KCNH1: variants seen among roughly 807,000 people sequenced by gnomAD.
KCNH1 encodes potassium voltage-gated channel subfamily H member 1, also known as voltage-gated delayed rectifier potassium channel KCNH1.
Under a neutral mutation model 69.2 loss-of-function variants are expected in KCNH1, and 27 were observed. That is an observed-to-expected ratio of 0.39 (90% CI 0.29 to 0.54). The LOEUF is 0.54. Ranked by LOEUF, KCNH1 falls within the 20% of genes least tolerant of loss-of-function variation. The probability of loss-of-function intolerance (pLI) is 0.68; values close to 1 mark genes in which losing one functional copy is unlikely to be tolerated. For missense variants in KCNH1, 798 were observed against 1,261.6 expected (o/e 0.63, Z 5.57); for synonymous variants, 456 against 487.7 (o/e 0.93, Z 0.86).
chr1:211,050,087 T>A (rs1558582879), intron 5 of KCNH1, among the ~76,000 whole-genome samples: 1 of 151,752 alleles, frequency 6.6e-6, no homozygotes, highest in African/African-American at 2.4e-5. Context: ...AACATCTCCC[T>A]CTGAGGGTGA....
At chr1:210,848,570 T>C (rs1112999) in intron 7 of KCNH1, among the ~76,000 whole-genome samples, 25,620 of 152,196 alleles carry the variant, frequency 0.17, 2,826 homozygotes, top group Non-Finnish European at 0.25. Flanking sequence ...TTTTCAGTGA[T>C]GGAAGTTAAT....
intron 6 of KCNH1, among the ~76,000 whole-genome samples, chr1:211,018,521 A>G (rs1689533695): frequency 6.6e-6 from 1 of 152,210 alleles, no homozygotes; most frequent in African/African-American, 2.4e-5. Flanking sequence ...CTGCAGGCCC[A>G]CCATTCCTGA....
chr1:211,059,499 T>C (rs1690382042), intron 5 of KCNH1, among the ~76,000 whole-genome samples: 1 of 151,832 alleles, frequency 6.6e-6, no homozygotes, highest in Non-Finnish European at 1.5e-5. Context: ...TCCCAGCACT[T>C]TGGGAGGCTG....
chr1:210,695,787 A>G (rs1182019945), intron 10 of KCNH1, among the ~76,000 whole-genome samples: 2 of 152,196 alleles, frequency 1.3e-5, no homozygotes, highest in Non-Finnish European at 2.9e-5. Flanking sequence ...GAGCCCCAGG[A>G]TGTGTGCATC....
intron 6 of KCNH1, among the ~76,000 whole-genome samples, chr1:210,945,980 A>C (rs565402274): frequency 2.0e-5 from 3 of 152,158 alleles, no homozygotes; most frequent in Non-Finnish European, 4.4e-5. Flanking sequence ...GAATGTACAC[A>C]CTGTCTTGGC....
intron 7 of KCNH1, among the ~76,000 whole-genome samples, chr1:210,830,789 C>T (rs1010048361): frequency 6.6e-6 from 1 of 152,120 alleles, no homozygotes; most frequent in African/African-American, 2.4e-5. Flanking sequence ...GGACACAATC[C>T]TAACGCATTT....
intron 10 of KCNH1, among the ~76,000 whole-genome samples, chr1:210,690,570 AAAAC>A (rs1189323665): frequency 5.1e-4 from 77 of 152,324 alleles, no homozygotes; most frequent in African/African-American, 1.9e-3. Context: ...AAAACACTGA[AAAAC>A]AAACTGCAGA....
chr1:210,782,304 G>A (rs1343352332), intron 9 of KCNH1, among the ~76,000 whole-genome samples: 2 of 152,084 alleles, frequency 1.3e-5, no homozygotes, highest in African/African-American at 4.8e-5. Context: ...AACCTGCTAT[G>A]GTCTGAATAT....
At chr1:210,742,833 T>C (rs1683064474) in intron 10 of KCNH1, among the ~76,000 whole-genome samples, 1 of 151,924 alleles carries the variant, frequency 6.6e-6, no homozygotes, top group East Asian at 1.9e-4. Flanking sequence ...GCTCAGTTCA[T>C]GGTGTGTGTC....
intron 9 of KCNH1, among the ~76,000 whole-genome samples, chr1:210,785,696 A>G (rs1684086852): frequency 6.6e-6 from 1 of 152,112 alleles, no homozygotes; most frequent in Non-Finnish European, 1.5e-5. Flanking sequence ...ATGTCTCTCC[A>G]TGGTAAGGTG....
chr1:211,050,969 C>G (rs1299652293), intron 5 of KCNH1, among the ~76,000 whole-genome samples: 1 of 129,262 alleles, frequency 7.7e-6, no homozygotes, highest in South Asian at 2.6e-4. Context: ...AGTAAACAAC[C>G]GAGATATTAA....
intron 5 of KCNH1, among the ~76,000 whole-genome samples, chr1:211,059,513 C>T (rs538891501): frequency 2.9e-4 from 44 of 150,858 alleles, no homozygotes; most frequent in Middle Eastern, 3.4e-3. Context: ...GAGGCTGAGG[C>T]GGGTGGATCA....
intron 6 of KCNH1, among the ~76,000 whole-genome samples, chr1:211,001,422 A>G (rs919227258): frequency 6.6e-6 from 1 of 152,256 alleles, no homozygotes; most frequent in East Asian, 1.9e-4. Flanking sequence ...AATGCTCATC[A>G]TCACTGGCCA....
intron 10 of KCNH1, among the ~76,000 whole-genome samples, chr1:210,686,938 G>T (rs772205848): frequency 2.6e-5 from 4 of 152,138 alleles, no homozygotes; most frequent in Non-Finnish European, 4.4e-5. Flanking sequence ...CTGGTACCTA[G>T]CAGGCCCTCA....
intron 10 of KCNH1, among the ~76,000 whole-genome samples, chr1:210,714,961 C>T (rs1192981472): frequency 6.6e-6 from 1 of 152,138 alleles, no homozygotes. Flanking sequence ...GGGACCAATC[C>T]ATGGTGATGT....
intron 5 of KCNH1, among the ~76,000 whole-genome samples, chr1:211,069,044 T>G (rs548029180): frequency 1.5e-4 from 23 of 152,334 alleles, no homozygotes; most frequent in African/African-American, 4.1e-4. Context: ...AAGGGAACCA[T>G]GTTTATATAC....
chr1:210,787,021 A>G (rs1391755087), intron 9 of KCNH1, among the ~76,000 whole-genome samples: 2 of 152,126 alleles, frequency 1.3e-5, no homozygotes, highest in African/African-American at 4.8e-5. Flanking sequence ...CTAAACACAG[A>G]TGAGTTTCTG....
rs186505550 is a variant in KCNH1 at position 211,009,518 on chromosome 1, C to T, written c.1032+9265G>A. Among the ~76,000 whole-genome samples the T allele has an allele frequency of 9.2e-5, 14 of 151,974 alleles. No homozygotes were observed. In the East Asian group the frequency reaches 2.5e-3, roughly 27 times the overall value. On this transcript the variant is annotated intron_variant, in intron 6 of 10. Transcript: ENST00000271751. The stretch of plus-strand genomic sequence containing the variant: ...TGAATTCAGCACAGAACCTGACCCA[C>T]GAGAAGGAGGGAAGCAGAGTACGTG...
At chr1:210,848,219 G>C (rs753017633) in intron 7 of KCNH1, among the ~76,000 whole-genome samples, 3 of 152,118 alleles carry the variant, frequency 2.0e-5, no homozygotes, top group Non-Finnish European at 4.4e-5. Flanking sequence ...TCTGAATTAT[G>C]TTATTCAACA....
Sources: allele counts gnomAD v4.1 joint callset (sites outside exome capture counted in the v4.1 genomes callset), GRCh38; gene constraint gnomAD v4.1.1; transcripts MANE v1.5; gene names NCBI Gene and HGNC (gene_info 2026-07-23, HGNC 2026-07-21).